The following TRIM54 variants were observed in gnomAD, a reference collection of about 807,000 sequenced individuals.
The protein encoded by TRIM54 is tripartite motif-containing protein 54.
TRIM54 carries 40 observed loss-of-function variants against 42.0 expected under a neutral mutation model. That is an observed-to-expected ratio of 0.95 (90% confidence interval 0.74 to 1.24). The LOEUF is 1.24. Among genes scored for constraint, TRIM54 ranks in the 50% most tolerant of loss-of-function variants. TRIM54 has a pLI of 0.00. For synonymous variants in TRIM54, 199 were observed against 194.9 expected (o/e 1.02, Z -0.17); for missense variants, 485 against 480.3 (o/e 1.01, Z -0.09).
At chr2:27,303,197 C>A (rs2148203061) in intron 3 of TRIM54, among the ~76,000 whole-genome samples, 1 of 152,228 alleles carries the variant, frequency 6.6e-6, no homozygotes, top group Non-Finnish European at 1.5e-5. Context: ...CTGGCAATGT[C>A]ACTGAGCTAG....
In TRIM54 at chr2:27,306,064, C is replaced by T; in HGVS notation, c.844-16C>T. On this transcript the variant is annotated splice_polypyrimidine_tract_variant and intron_variant, in intron 5 of 8. Transcript: ENST00000380075. This position sits in a 1 kb window ranked among gnomAD's most constrained non-coding sequence, Gnocchi z 6.1. ...TGGCCCAGTGCTTACTCTCACCCTC[C>T]TTTTCTTCCCTGCAGCAGGCCAAGG... 6.2e-7 allele frequency: 1 copy of T among 1,613,722 alleles called. No individual in the cohort carries two copies.
chr2:27,305,406 T>G lies in TRIM54; in HGVS notation c.610-178T>G, dbSNP rs1000389603. 2.8e-5 allele frequency: 17 copies of G among 609,270 alleles called. No individual in the cohort carries two copies. The Middle Eastern group carries it at 1.2e-3, about 44-fold the overall frequency. The allele number at this position is 609,270 out of a possible 1,614,324, so 37.7% of individuals were successfully genotyped here. ...ATAGACAGCAATCAGTGAAGCTACT[T>G]TAAAGCATTGTGTTTTTATTATGGA... On this transcript the variant is annotated intron_variant, in intron 4 of 8. Transcript: ENST00000380075.
intron 1 of TRIM54, among the ~76,000 whole-genome samples, chr2:27,296,769 G>GT (rs988742996): frequency 2.6e-5 from 4 of 151,970 alleles, no homozygotes; most frequent in South Asian, 2.1e-4. Context: ...TTTTTGGTTT[G>GT]TTTTTTTGAG....
At position 27,306,387 on chromosome 2, in the gene TRIM54, G is replaced by C. The variant is rs974444228; in HGVS notation, c.991+50G>C. Reference sequence around the variant, plus strand: ...TGAGACGGGTTCGGACCCTCTGTGTGGGGGGTGCGGCGGGCACGATGGCCG... The same window carrying C: ...TGAGACGGGTTCGGACCCTCTGTGTCGGGGGTGCGGCGGGCACGATGGCCG... On this transcript the variant is annotated intron_variant, in intron 7 of 8. Transcript: ENST00000380075. This position sits in a 1 kb window ranked among gnomAD's most constrained non-coding sequence, Gnocchi z 6.1. 3 of 1,613,330 alleles carry C rather than the reference G, an allele frequency of 1.9e-6. No individual in the cohort carries two copies. The highest frequency in any genetic ancestry group is 1.3e-5 in the African/African-American group (1 of 74,916).
At chr2:27,286,807 G>A (rs537444635) in intron 1 of TRIM54, among the ~76,000 whole-genome samples, 6 of 152,206 alleles carry the variant, frequency 3.9e-5, no homozygotes, top group African/African-American at 1.2e-4. Context: ...CTTTTGTTTC[G>A]CGCCACCCAA....
Position 27,305,050 on chromosome 2 carries a change from T to C in TRIM54, c.605T>C (p.Ile202Thr). The stretch of plus-strand genomic sequence containing the variant: ...CAGATGGAGGAGGTGTGCCAGACTA[T>C]CGAGGTGAGCCTGGGCTGGAGGGAG... ...ITQMEEVCQT[I>T]EDNSRRQKQL... The change falls in exon 4 of 9, where the codon ATC becomes ACC. Residue 202 changes from isoleucine to threonine, a missense_variant. Ile to Thr is a moderately conservative substitution (Grantham distance 89, BLOSUM62 -1). Coordinates refer to ENST00000380075, the MANE Select transcript of TRIM54 (RefSeq NM_187841.3). 6.2e-7 allele frequency: 1 copy of C among 1,613,634 alleles called. No individual in the cohort carries two copies. Among genetic ancestry groups the C allele is most frequent in the Non-Finnish European group, 8.5e-7 (1 of 1,179,760 alleles).
At chr2:27,305,346 A>C in intron 4 of TRIM54, 1 of 587,296 alleles carries the variant, frequency 1.7e-6, no homozygotes. Context: ...TGAGAATTAA[A>C]TGGAATAATG....
At position 27,305,785 on chromosome 2, in the gene TRIM54, A is replaced by G. The variant is rs371134634; in HGVS notation, c.811A>G (p.Met271Val). Residue 271 changes from methionine (M) to valine (V), a missense_variant, in exon 5 of 9, where the codon ATG becomes GTG. Transcript: ENST00000380075. ...SKLVESAIQSMEEPQMALYLQ... is the reference protein window; with the variant it reads ...SKLVESAIQSVEEPQMALYLQ... Reference sequence around the variant, plus strand: ...GCTGGTGGAGTCTGCCATCCAGTCCATGGAAGAGCCACAAATGGCGCTGTA... The same window carrying G: ...GCTGGTGGAGTCTGCCATCCAGTCCGTGGAAGAGCCACAAATGGCGCTGTA... 5.0e-6 allele frequency: 8 copies of G among 1,609,172 alleles called. No individual in the cohort carries two copies. Among genetic ancestry groups the G allele is most frequent in the East Asian group, 2.2e-5 (1 of 44,692 alleles).
chr2:27,288,543 T>C (rs1678638087), intron 1 of TRIM54, among the ~76,000 whole-genome samples: 1 of 152,234 alleles, frequency 6.6e-6, no homozygotes, highest in Non-Finnish European at 1.5e-5. Flanking sequence ...CATTCCATCT[T>C]ATCCTTCACA....
rs1166108327 is a variant in TRIM54 at position 27,282,862 on chromosome 2, A to G, written c.131A>G (p.His44Arg). 6.2e-7 allele frequency: 1 copy of G among 1,613,868 alleles called. No individual in the cohort carries two copies. The highest frequency in any genetic ancestry group is 8.5e-7 in the Non-Finnish European group (1 of 1,179,854). ...SKPVVILPCQ[H>R]NLCRKCANDV... ...CCAGTGGTGATCCTGCCCTGCCAACACAACCTGTGCCGCAAATGTGCCAAC... is the reference window on the plus strand; with the variant it reads ...CCAGTGGTGATCCTGCCCTGCCAACGCAACCTGTGCCGCAAATGTGCCAAC... Residue 44 changes from histidine to arginine, a missense_variant, in exon 1 of 9, where the codon CAC (histidine) becomes CGC (arginine). His to Arg is a conservative substitution (Grantham distance 29, BLOSUM62 0). Transcript: ENST00000380075.
intron 3 of TRIM54, among the ~76,000 whole-genome samples, chr2:27,304,227 G>T (rs1032813825): frequency 9.3e-4 from 73 of 78,254 alleles, no homozygotes; most frequent in South Asian, 3.1e-3. Context: ...TATATATATA[G>T]ATAGATAGAT....
At chr2:27,289,819 C>T (rs1375360140) in intron 1 of TRIM54, among the ~76,000 whole-genome samples, 14 of 150,344 alleles carry the variant, frequency 9.3e-5, no homozygotes, top group Admixed American at 9.3e-4. Flanking sequence ...GAGTTTGAGG[C>T]CAGCCTGAGC....
At chr2:27,290,190 T>C (rs1558583771) in intron 1 of TRIM54, among the ~76,000 whole-genome samples, 3 of 152,056 alleles carry the variant, frequency 2.0e-5, no homozygotes, top group African/African-American at 7.2e-5. Flanking sequence ...ACACTATCTC[T>C]TAAAAAAAAT....
At position 27,306,215 on chromosome 2, in the gene TRIM54, T is replaced by A. The variant is rs1420146070; in HGVS notation, c.869T>A (p.Val290Asp). 6.2e-7 allele frequency: 1 copy of A among 1,613,544 alleles called. No individual in the cohort carries two copies. Among genetic ancestry groups the A allele is most frequent in the Non-Finnish European group, 8.5e-7 (1 of 1,179,904 alleles). The change falls in exon 7 of 9, where the codon GTC becomes GAC. Residue 290 changes from valine (V) to aspartate (D), a missense_variant and splice_region_variant. Physicochemically the swap from Val to Asp is radical, Grantham distance 152. Transcript: ENST00000380075. The surrounding 1 kb of genome is among the most constrained non-coding windows in gnomAD (Gnocchi z 6.1). ...LQQAKELINK[V>D]GAMSKVELAG... Reference sequence around the variant, plus strand: ...CTGAGTCCGTGTGGCCACTGCAGGGTCGGGGCCATGTCGAAGGTGGAGCTG... The same window carrying A: ...CTGAGTCCGTGTGGCCACTGCAGGGACGGGGCCATGTCGAAGGTGGAGCTG...
chr2:27,306,963 C>T lies in TRIM54; in HGVS notation c.*78C>T. ...TCTGCGCAGAGACCGCAGCATCACC[C>T]AAATCGGCGCCGGCCCCGGGAGGAT... On this transcript the variant is annotated 3_prime_UTR_variant, in exon 9 of 9. Coordinates refer to ENST00000380075, the MANE Select transcript of TRIM54 (RefSeq NM_187841.3). The surrounding 1 kb of genome is among the most constrained non-coding windows in gnomAD (Gnocchi z 6.1). 4.0e-6 allele frequency: 1 copy of T among 252,972 alleles called. No individual in the cohort carries two copies. The highest frequency in any genetic ancestry group is 6.5e-5 in the South Asian group (1 of 15,388). The allele number at this position is 252,972 out of a possible 1,614,324, so 15.7% of individuals were successfully genotyped here.
chr2:27,304,823 C>T (rs960344227), intron 3 of TRIM54, 136 bp from the exon 4 acceptor site: 2 of 652,060 alleles, frequency 3.1e-6, no homozygotes, highest in African/African-American at 1.8e-5. Context: ...TGGTTCAAGC[C>T]TTCTAGATTG....
chr2:27,303,583 A>C (rs910902725), intron 3 of TRIM54, among the ~76,000 whole-genome samples: 1 of 152,164 alleles, frequency 6.6e-6, no homozygotes, highest in African/African-American at 2.4e-5. Context: ...ACCGTAGGTT[A>C]AACTAGGATC....
chr2:27,305,301 GATA>G, intron 4 of TRIM54: 3 of 588,132 alleles, frequency 5.1e-6, no homozygotes, highest in South Asian at 2.1e-5. Context: ...CAGTGATGAT[GATA>G]ATGATACACC....
intron 1 of TRIM54, among the ~76,000 whole-genome samples, chr2:27,283,589 G>C (rs555087214): frequency 6.6e-6 from 1 of 152,128 alleles, no homozygotes; most frequent in South Asian, 2.1e-4. Context: ...TGTGGTCATG[G>C]GGCCAAGCAG....
Sources: allele counts gnomAD v4.1 joint callset (sites outside exome capture counted in the v4.1 genomes callset), GRCh38; gene constraint gnomAD v4.1.1; non-coding constraint Gnocchi (gnomAD v3.1); transcripts MANE v1.5; gene names NCBI Gene and HGNC (gene_info 2026-07-23, HGNC 2026-07-21).